The following VSTM2B variants were observed in gnomAD, a reference collection of about 807,000 sequenced individuals.
VSTM2B encodes the protein V-set and transmembrane domain-containing protein 2B.
In VSTM2B, 24 loss-of-function variants were observed where a neutral mutation model predicts 24.0. The observed-to-expected ratio is 1.00, with a 90% CI of 0.72 to 1.40. The LOEUF is 1.40. Among genes scored for constraint, VSTM2B ranks in the 40% most tolerant of loss-of-function variants. The pLI is 0.00. For synonymous variants in VSTM2B, 226 were observed against 194.4 expected (o/e 1.16, Z -1.35); for missense variants, 399 against 416.4 (o/e 0.96, Z 0.36).
At position 29,555,885 on chromosome 19, in the gene VSTM2B, G is replaced by A. The variant is rs193228045; in HGVS notation, c.770-7961G>A. ...AGAAGTTGAATCCCTGAATAGACCA[G>A]TAATAAGTTTTGAAATTGAGGCAGT... is the stretch of plus-strand genomic sequence containing the variant. On this transcript the variant is annotated intron_variant, in intron 4 of 4. Coordinates refer to ENST00000335523, the MANE Select transcript of VSTM2B (RefSeq NM_001146339.2). Among the ~76,000 whole-genome samples, 186 of 152,074 alleles carry A rather than the reference G, an allele frequency of 1.2e-3. No homozygotes were observed. The Middle Eastern group carries it at 0.021, about 17-fold the overall frequency.
chr19:29,530,151 C>T lies in VSTM2B; in HGVS notation c.630C>T (p.Ala210=). ...KSPPPGSPPA[A]IDPAVPEAAA... ...CGCCGCCCGGGAGCCCTCCCGCCGC[C>T]ATCGATCCCGCAGTCCCCGAGGCCG... The change falls in exon 4 of 5, where the codon GCC becomes GCT. Residue 210 remains alanine (A), a synonymous_variant. Coordinates refer to ENST00000335523, the MANE Select transcript of VSTM2B (RefSeq NM_001146339.2). 1 of 1,471,290 alleles carries T rather than the reference C, an allele frequency of 6.8e-7. No homozygotes were observed. The highest frequency in any genetic ancestry group is 8.9e-7 in the Non-Finnish European group (1 of 1,118,306). 91.1% of individuals were successfully genotyped at this position (1,471,290 alleles called of 1,614,324 possible).
intron 4 of VSTM2B, among the ~76,000 whole-genome samples, chr19:29,539,017 A>G (rs1386911729): frequency 6.6e-6 from 1 of 151,920 alleles, no homozygotes; most frequent in Non-Finnish European, 1.5e-5. Context: ...TGGCTCGGAG[A>G]GTTGCTGTTT....
intron 4 of VSTM2B, among the ~76,000 whole-genome samples, chr19:29,537,703 A>ACACCCCCCTACTCTCCCG (rs1969922572): frequency 1.5e-5 from 1 of 65,228 alleles, no homozygotes; most frequent in African/African-American, 6.4e-5. Context: ...ACCCGCCCCC[A>ACACCCCCCTACTCTCCCG]CACCCACCTA....
intron 4 of VSTM2B, among the ~76,000 whole-genome samples, chr19:29,539,870 A>T (rs769646345): frequency 2.0e-5 from 3 of 152,136 alleles, no homozygotes; most frequent in Admixed American, 6.5e-5. Flanking sequence ...CGCCCATGTG[A>T]GCCTGCCTCC....
chr19:29,543,105 T>A (rs1970062243), intron 4 of VSTM2B, among the ~76,000 whole-genome samples: 1 of 152,208 alleles, frequency 6.6e-6, no homozygotes, highest in African/African-American at 2.4e-5. Context: ...TGGCCCAGAT[T>A]TGCTGATTCT....
At chr19:29,534,714 C>T (rs1969846217) in intron 4 of VSTM2B, among the ~76,000 whole-genome samples, 1 of 79,832 alleles carries the variant, frequency 1.3e-5, no homozygotes, top group Admixed American at 1.2e-4. Context: ...GAAACTCTGT[C>T]TCAAAAAAAA....
intron 4 of VSTM2B, among the ~76,000 whole-genome samples, chr19:29,531,672 A>G (rs966674759): frequency 4.6e-5 from 7 of 152,144 alleles, no homozygotes; most frequent in Non-Finnish European, 5.9e-5. Flanking sequence ...AGCCCACAAG[A>G]CTGTCCCTCA....
chr19:29,562,602 C>G (rs886993150), intron 4 of VSTM2B, among the ~76,000 whole-genome samples: 2 of 152,186 alleles, frequency 1.3e-5, no homozygotes, highest in Non-Finnish European at 2.9e-5. Context: ...TGCATCCATT[C>G]ATGCCGCTGA....
intron 4 of VSTM2B, among the ~76,000 whole-genome samples, chr19:29,531,278 T>G (rs193203162): frequency 6.6e-6 from 1 of 152,164 alleles, no homozygotes; most frequent in Non-Finnish European, 1.5e-5. Flanking sequence ...TCTTGTTTGA[T>G]GCAGAGTCCC....
At chr19:29,540,506 G>A (rs1024193912) in intron 4 of VSTM2B, among the ~76,000 whole-genome samples, 2 of 152,204 alleles carry the variant, frequency 1.3e-5, no homozygotes, top group Non-Finnish European at 2.9e-5. Flanking sequence ...GCTGCCTCAG[G>A]GCTCCCAGCA....
In VSTM2B at chr19:29,529,168, G is replaced by A. The variant is rs900404516; in HGVS notation, c.298-651G>A. 4.1e-6 allele frequency: 4 copies of A among 978,672 alleles called. No homozygotes were observed. In the African/African-American group the frequency reaches 7.0e-5, roughly 17 times the overall value. 60.6% of individuals were successfully genotyped at this position (978,672 alleles called of 1,614,324 possible). ...CCGAAGTCCCCACCGGGGCGCAGGG[G>A]AGGAGCACTTCGCTGGGGGGCTTCT... On this transcript the variant is annotated intron_variant, in intron 3 of 4. Transcript: ENST00000335523.
chr19:29,557,773 T>C (rs1178539549), intron 4 of VSTM2B, among the ~76,000 whole-genome samples: 1 of 151,466 alleles, frequency 6.6e-6, no homozygotes, highest in Non-Finnish European at 1.5e-5. Flanking sequence ...GCAATACCAT[T>C]TGGGACATAG....
At chr19:29,532,183 A>G (rs775848499) in intron 4 of VSTM2B, among the ~76,000 whole-genome samples, 1 of 152,244 alleles carries the variant, frequency 6.6e-6, no homozygotes, top group African/African-American at 2.4e-5. Flanking sequence ...AAGCTGGTTT[A>G]GAAAAATGGC....
intron 4 of VSTM2B, among the ~76,000 whole-genome samples, chr19:29,554,860 G>A (rs1186807137): frequency 6.6e-6 from 1 of 152,170 alleles, no homozygotes; most frequent in African/African-American, 2.4e-5. Context: ...AACAAGAAGA[G>A]CTAACTATCC....
At position 29,529,966 on chromosome 19, in the gene VSTM2B, C is replaced by T. The variant is rs754418111; in HGVS notation, c.445C>T (p.Leu149Phe). ...EHKAQAMLRV[L>F]SRFAPPNMQA... ...CAAGGCCCAGGCGATGCTGCGCGTG[C>T]TCTCGCGCTTCGCGCCGCCCAACAT... is the stretch of plus-strand genomic sequence containing the variant. The change falls in exon 4 of 5, where the codon CTC becomes TTC. Residue 149 changes from leucine to phenylalanine, a missense_variant. Transcript: ENST00000335523. 5 of 1,547,608 alleles carry T rather than the reference C, an allele frequency of 3.2e-6. No homozygotes were observed. Among genetic ancestry groups the T allele is most frequent in the Non-Finnish European group, 4.4e-6 (5 of 1,146,618 alleles).
At position 29,529,768 on chromosome 19, in the gene VSTM2B, G is replaced by A. The variant is rs184979600; in HGVS notation, c.298-51G>A. 11 of 1,523,280 alleles carry A rather than the reference G, an allele frequency of 7.2e-6. No individual in the cohort carries two copies. The African/African-American group carries it at 1.1e-4, about 15-fold the overall frequency. 94.4% of individuals were successfully genotyped at this position (1,523,280 alleles called of 1,614,324 possible). Reference sequence around the variant, plus strand: ...GGCGCGACGGCCAGGGTGGCCAGAAGAGTAGGTTTGGGAGCTGCCCAGCCC... The same window carrying A: ...GGCGCGACGGCCAGGGTGGCCAGAAAAGTAGGTTTGGGAGCTGCCCAGCCC... On this transcript the variant is annotated intron_variant, in intron 3 of 4. Transcript: ENST00000335523.
At chr19:29,530,674 T>C (rs771560380) in intron 4 of VSTM2B, among the ~76,000 whole-genome samples, 13 of 152,084 alleles carry the variant, frequency 8.5e-5, no homozygotes, top group Admixed American at 1.3e-4. Flanking sequence ...GGAAATGAGC[T>C]ATCCCCAGAT....
chr19:29,536,388 A>C (rs2145477320), intron 4 of VSTM2B, among the ~76,000 whole-genome samples: 1 of 152,360 alleles, frequency 6.6e-6, no homozygotes, highest in Admixed American at 6.5e-5. Context: ...GAAAGCTTTC[A>C]GATGCCCCCT....
Position 29,529,853 on chromosome 19 carries a change from G to T in VSTM2B, c.332G>T (p.Arg111Leu), listed in dbSNP as rs377294454. 6.5e-7 allele frequency: 1 copy of T among 1,550,026 alleles called. No individual in the cohort carries two copies. Among genetic ancestry groups the T allele is most frequent in the South Asian group, 1.2e-5 (1 of 83,886 alleles). Reference protein sequence around the residue: ...VRVQGNDISHRLRLSAVRLQD... With the variant: ...VRVQGNDISHLLRLSAVRLQD... ...GTCCAGGGCAATGACATCTCACACC[G>T]GCTTCGGCTGTCTGCCGTGCGGCTG... Residue 111 changes from arginine to leucine, a missense_variant, in exon 4 of 5, where the codon CGG (arginine) becomes CTG (leucine). Arg to Leu is a moderately radical substitution (Grantham distance 102, BLOSUM62 -2). Coordinates refer to ENST00000335523, the MANE Select transcript of VSTM2B (RefSeq NM_001146339.2).
Sources: allele counts gnomAD v4.1 joint callset (sites outside exome capture counted in the v4.1 genomes callset), GRCh38; gene constraint gnomAD v4.1.1; transcripts MANE v1.5; gene names NCBI Gene and HGNC (gene_info 2026-07-23, HGNC 2026-07-21).